The following NTM variants were observed in gnomAD, a reference collection of about 807,000 sequenced individuals.
NTM encodes the protein IgLON family member 2.
Under a neutral mutation model 42.1 loss-of-function variants are expected in NTM, and 13 were observed. The observed-to-expected ratio is 0.31, with a 90% CI of 0.20 to 0.49. The LOEUF is 0.49. Among genes scored for constraint, NTM ranks in the 20% least tolerant of loss-of-function variants. The pLI is 0.99. For synonymous variants in NTM, 187 were observed against 179.2 expected, an observed-to-expected ratio of 1.04 and a Z score of -0.35; for missense variants, 373 against 452.8, an observed-to-expected ratio of 0.82 and a Z score of 1.60.
chr11:131,471,252 C>T (rs1297267887), intron 1 of NTM, among the ~76,000 whole-genome samples: 1 of 152,188 alleles, frequency 6.6e-6, no homozygotes, highest in African/African-American at 2.4e-5. Context: ...ACACAATGCA[C>T]AGTTCTGTTT....
rs564642016 is a variant in NTM at position 131,513,356 on chromosome 11, G to T, written c.82+142468G>T. On this transcript the variant is annotated intron_variant, in intron 1 of 8. Transcript: ENST00000683400. ...ACAGGCTCTGCACCCATCCTCTGGG[G>T]TTTCCATAGGAGGCACCCAAGAGGT... is the stretch of plus-strand genomic sequence containing the variant. 1.1e-4 allele frequency among the ~76,000 whole-genome samples: 16 copies of T among 152,262 alleles called. No individual in the cohort carries two copies. The South Asian group carries it at 1.9e-3, about 18-fold the overall frequency.
At chr11:131,656,454 T>C (rs2067197943) in intron 1 of NTM, among the ~76,000 whole-genome samples, 1 of 152,224 alleles carries the variant, frequency 6.6e-6, no homozygotes, top group Non-Finnish European at 1.5e-5. Flanking sequence ...CTGAATCCAG[T>C]GAATAACTGC....
intron 4 of NTM, among the ~76,000 whole-genome samples, chr11:132,265,937 G>A (rs1293232924): frequency 1.3e-5 from 2 of 152,170 alleles, no homozygotes; most frequent in Non-Finnish European, 2.9e-5. Context: ...CACCTGTCCA[G>A]GTTCAGGGTT....
chr11:132,224,173 A>G (rs1566515808), intron 4 of NTM, among the ~76,000 whole-genome samples: 1 of 152,190 alleles, frequency 6.6e-6, no homozygotes, highest in Non-Finnish European at 1.5e-5. Flanking sequence ...CATAGACCCA[A>G]CCTCTGCATG....
chr11:131,373,518 C>T (rs10894382), intron 1 of NTM, among the ~76,000 whole-genome samples: 31,168 of 151,328 alleles, frequency 0.21, 3,787 homozygotes, highest in East Asian at 0.56. Flanking sequence ...TGATTAGTGA[C>T]GCTGACAGGA....
Position 131,547,244 on chromosome 11 carries a change from A to G in NTM, c.82+176356A>G, listed in dbSNP as rs545054717. Reference sequence around the variant, plus strand: ...CACAAGTCAGTGAATGTTGCAAACTATATATAGTAGGATACTTAATCATTA... The same window carrying G: ...CACAAGTCAGTGAATGTTGCAAACTGTATATAGTAGGATACTTAATCATTA... On this transcript the variant is annotated intron_variant, in intron 1 of 8. Transcript: ENST00000683400. Among the ~76,000 whole-genome samples the G allele has an allele frequency of 2.0e-5, 3 of 152,336 alleles. No homozygotes were observed. In the South Asian group the frequency reaches 6.2e-4, roughly 32 times the overall value.
intron 2 of NTM, among the ~76,000 whole-genome samples, chr11:131,932,698 C>T (rs940609134): frequency 3.3e-5 from 5 of 152,128 alleles, no homozygotes; most frequent in Admixed American, 2.6e-4. Context: ...AATGAGCAGG[C>T]GTTGGTCATC....
At chr11:131,692,776 T>G (rs560823203) in intron 1 of NTM, among the ~76,000 whole-genome samples, 1 of 152,246 alleles carries the variant, frequency 6.6e-6, no homozygotes, top group South Asian at 2.1e-4. Context: ...TGTGACTCCT[T>G]CAGGGTTATA....
chr11:131,379,787 C>T (rs1942419839), intron 1 of NTM, among the ~76,000 whole-genome samples: 2 of 152,076 alleles, frequency 1.3e-5, no homozygotes, highest in Admixed American at 1.3e-4. Context: ...TTAAATATTC[C>T]AAGGTTTGCC....
At chr11:131,997,482 G>A (rs61903474) in intron 2 of NTM, among the ~76,000 whole-genome samples, 43,334 of 151,960 alleles carry the variant, frequency 0.29, 7,239 homozygotes, top group African/African-American at 0.46. Context: ...ACCCTCGATG[G>A]GCCTCAGCTA....
At chr11:131,929,410 C>T (rs894609087) in intron 2 of NTM, among the ~76,000 whole-genome samples, 1 of 151,870 alleles carries the variant, frequency 6.6e-6, no homozygotes, top group Non-Finnish European at 1.5e-5. Flanking sequence ...TGGGAAGCCC[C>T]TGGAGCAGTT....
At chr11:132,005,456 A>G (rs2070555705) in intron 2 of NTM, among the ~76,000 whole-genome samples, 1 of 152,212 alleles carries the variant, frequency 6.6e-6, no homozygotes, top group Non-Finnish European at 1.5e-5. Flanking sequence ...GCAGACAGAT[A>G]GATAGTAGGA....
intron 1 of NTM, among the ~76,000 whole-genome samples, chr11:131,557,977 C>A (rs1164412808): frequency 6.6e-6 from 1 of 152,172 alleles, no homozygotes; most frequent in Non-Finnish European, 1.5e-5. Context: ...CAGTTACCTA[C>A]CAATGAAATG....
At chr11:132,139,790 G>T (rs183553267) in intron 2 of NTM, among the ~76,000 whole-genome samples, 1 of 152,110 alleles carries the variant, frequency 6.6e-6, no homozygotes, top group African/African-American at 2.4e-5. Flanking sequence ...TTTATCTCTC[G>T]GGAGTTTGTG....
At chr11:131,730,987 G>A (rs1202981901) in intron 1 of NTM, among the ~76,000 whole-genome samples, 1 of 152,206 alleles carries the variant, frequency 6.6e-6, no homozygotes. Flanking sequence ...CAATGCTTCA[G>A]TGCATAGAAC....
intron 4 of NTM, among the ~76,000 whole-genome samples, chr11:132,218,511 G>A (rs765561417): frequency 1.3e-5 from 2 of 152,174 alleles, no homozygotes; most frequent in Non-Finnish European, 2.9e-5. Context: ...TAGGGCGTAA[G>A]GCAAGACTTG....
chr11:131,434,968 A>T (rs1418631840), intron 1 of NTM, among the ~76,000 whole-genome samples: 2 of 152,180 alleles, frequency 1.3e-5, no homozygotes, highest in Non-Finnish European at 2.9e-5. Context: ...ATTTTTGTCT[A>T]AGGCGTAAGG....
At chr11:131,576,796 A>T (rs73580280) in intron 1 of NTM, among the ~76,000 whole-genome samples, 2,091 of 152,302 alleles carry the variant, frequency 0.014, 51 homozygotes, top group African/African-American at 0.047. Context: ...CTGGAGTCTG[A>T]CTACCTGGAT....
chr11:131,938,692 G>A (rs2059484527), intron 2 of NTM, among the ~76,000 whole-genome samples: 1 of 152,210 alleles, frequency 6.6e-6, no homozygotes, highest in Non-Finnish European at 1.5e-5. Context: ...GCTTCCTGTG[G>A]CTGTGCCTAT....
Sources: allele counts gnomAD v4.1 joint callset (sites outside exome capture counted in the v4.1 genomes callset), GRCh38; gene constraint gnomAD v4.1.1; transcripts MANE v1.5; gene names NCBI Gene and HGNC (gene_info 2026-07-23, HGNC 2026-07-21).